FSTL5: variants seen among roughly 807,000 people sequenced by gnomAD.
FSTL5 encodes the protein follistatin-related protein 5.
In FSTL5, 62 loss-of-function variants were observed where a neutral mutation model predicts 89.1. The observed-to-expected ratio is 0.70, with a 90% CI of 0.57 to 0.86. FSTL5 has a LOEUF of 0.86. Among genes scored for constraint, FSTL5 ranks in the 40% least tolerant of loss-of-function variants. The pLI is 0.00. For synonymous variants in FSTL5, 383 were observed against 346.2 expected, an observed-to-expected ratio of 1.11 and a Z score of -1.18; for missense variants, 1,057 against 1,001.6, an observed-to-expected ratio of 1.06 and a Z score of -0.75.
chr4:161,948,676 G>T (rs359520), intron 3 of FSTL5, among the ~76,000 whole-genome samples: 10,997 of 151,746 alleles, frequency 0.072, 1,107 homozygotes, highest in African/African-American at 0.23. Flanking sequence ...TTGAACTCCT[G>T]ACCTCAGGTG....
chr4:161,605,777 C>A (rs567438830), intron 7 of FSTL5, among the ~76,000 whole-genome samples: 2 of 152,120 alleles, frequency 1.3e-5, no homozygotes, highest in Admixed American at 6.5e-5. Flanking sequence ...AAATGAATTA[C>A]CTTTTGTGGT....
chr4:161,552,800 G>C (rs527350746), intron 8 of FSTL5, among the ~76,000 whole-genome samples: 1 of 151,668 alleles, frequency 6.6e-6, no homozygotes, highest in Non-Finnish European at 1.5e-5. Context: ...TCAGTGACAA[G>C]CTAAACATTT....
intron 8 of FSTL5, among the ~76,000 whole-genome samples, chr4:161,546,197 GCA>G (rs1432162337): frequency 1.3e-5 from 2 of 150,482 alleles, no homozygotes; most frequent in African/African-American, 4.9e-5. Context: ...CCACAATAAA[GCA>G]CAGAGGTATA....
chr4:161,781,513 C>T (rs1429226890), intron 4 of FSTL5, among the ~76,000 whole-genome samples: 2 of 152,074 alleles, frequency 1.3e-5, no homozygotes, highest in East Asian at 3.9e-4. Flanking sequence ...AATACACTTA[C>T]ACACACCACA....
intron 6 of FSTL5, among the ~76,000 whole-genome samples, chr4:161,699,505 C>G (rs1023931343): frequency 6.6e-6 from 1 of 152,068 alleles, no homozygotes; most frequent in Non-Finnish European, 1.5e-5. Context: ...GAAGTAGCAG[C>G]TTGTGTTGTG....
At chr4:161,995,622 C>G (rs1164755412) in intron 3 of FSTL5, among the ~76,000 whole-genome samples, 1 of 152,052 alleles carries the variant, frequency 6.6e-6, no homozygotes, top group Non-Finnish European at 1.5e-5. Flanking sequence ...CAGTGCTTTC[C>G]TAGGATAGAC....
rs144141773 is a variant in FSTL5, at chr4:161,648,858, T to A, written c.894+7470A>T. On this transcript the variant is annotated intron_variant, in intron 7 of 15. Transcript: ENST00000306100. ...AGGGTCTAAATTCACACATGCCACA[T>A]CTTTTTCAGATACTAATTGGCTCCT... 6.0e-3 allele frequency among the ~76,000 whole-genome samples: 912 copies of A among 152,286 alleles called. 9 individuals are homozygous for A. The highest frequency in any genetic ancestry group is 0.045 in the South Asian group (218 of 4,824).
At chr4:162,154,633 A>T (rs772003418) in intron 1 of FSTL5, among the ~76,000 whole-genome samples, 2 of 152,176 alleles carry the variant, frequency 1.3e-5, no homozygotes, top group Non-Finnish European at 2.9e-5. Context: ...AAAAATGGGA[A>T]AACACAGCAG....
chr4:161,463,563 C>T lies in FSTL5; in HGVS notation c.1609-4244G>A, dbSNP rs141668612. 5.8e-3 allele frequency among the ~76,000 whole-genome samples: 883 copies of T among 152,164 alleles called. 10 individuals carry two copies. Among genetic ancestry groups the T allele is most frequent in the African/African-American group, 0.021 (854 of 41,518 alleles). ...AAAGCCAGTATGTTACTATTAATAC[C>T]ATCAACTTTGGCAAGGGAATAAATA... On this transcript the variant is annotated intron_variant, in intron 13 of 15. Transcript: ENST00000306100.
chr4:161,524,015 T>C (rs1290778166), intron 10 of FSTL5, among the ~76,000 whole-genome samples: 1 of 152,126 alleles, frequency 6.6e-6, no homozygotes, highest in Non-Finnish European at 1.5e-5. Context: ...TTTCAGGCCA[T>C]GATGGGAAGT....
At chr4:161,396,196 A>G (rs2110890316) in intron 15 of FSTL5, among the ~76,000 whole-genome samples, 1 of 152,192 alleles carries the variant, frequency 6.6e-6, no homozygotes, top group Non-Finnish European at 1.5e-5. Flanking sequence ...AACCAATCCA[A>G]AAGTGACCGA....
chr4:162,049,179 A>G (rs1560991550), intron 2 of FSTL5, among the ~76,000 whole-genome samples: 2 of 152,188 alleles, frequency 1.3e-5, no homozygotes, highest in Admixed American at 1.3e-4. Context: ...GATCTTCACA[A>G]GTAGTGCAGG....
At chr4:161,937,800 A>C (rs1281560753) in intron 3 of FSTL5, among the ~76,000 whole-genome samples, 2 of 152,150 alleles carry the variant, frequency 1.3e-5, no homozygotes, top group Non-Finnish European at 2.9e-5. Context: ...GAAGCCAAAG[A>C]TCAGCATCTC....
chr4:162,020,919 T>C (rs1737059888), intron 3 of FSTL5, among the ~76,000 whole-genome samples: 1 of 152,144 alleles, frequency 6.6e-6, no homozygotes. Flanking sequence ...GGTCCTTTCA[T>C]GTTTTAATTT....
chr4:161,530,073 A>C (rs1448873355), intron 10 of FSTL5, among the ~76,000 whole-genome samples: 1 of 142,978 alleles, frequency 7.0e-6, no homozygotes, highest in Non-Finnish European at 1.5e-5. Context: ...GTATTTCCTC[A>C]TTCTATAGAA....
intron 15 of FSTL5, among the ~76,000 whole-genome samples, chr4:161,399,323 T>G (rs1486439529): frequency 6.6e-6 from 1 of 152,122 alleles, no homozygotes; most frequent in Non-Finnish European, 1.5e-5. Context: ...ACATAAACAA[T>G]TAACACATAT....
intron 7 of FSTL5, among the ~76,000 whole-genome samples, chr4:161,620,680 C>G (rs2126645564): frequency 6.6e-6 from 1 of 151,796 alleles, no homozygotes; most frequent in East Asian, 1.9e-4. Context: ...AAAACAAAAA[C>G]AAAAAAGTGC....
intron 4 of FSTL5, among the ~76,000 whole-genome samples, chr4:161,814,304 A>T (rs1010124494): frequency 4.6e-5 from 7 of 152,184 alleles, no homozygotes; most frequent in Non-Finnish European, 1.0e-4. Flanking sequence ...GTTAGTATAA[A>T]TAAATTTCTT....
chr4:161,727,243 G>C (rs1739456062), intron 6 of FSTL5, among the ~76,000 whole-genome samples: 1 of 152,070 alleles, frequency 6.6e-6, no homozygotes, highest in African/African-American at 2.4e-5. Flanking sequence ...TTTATCATTA[G>C]ACTAAGTTCT....
Sources: gnomAD v4.1 joint callset for allele counts (sites outside exome capture counted in the v4.1 genomes callset) on GRCh38, gnomAD v4.1.1 for gene constraint, MANE v1.5 for transcripts, NCBI Gene and HGNC (gene_info 2026-07-23, HGNC 2026-07-21) for gene names.